Variants in SINHCAF observed in about 807,000 individuals in gnomAD.
The protein encoded by SINHCAF is SIN3-HDAC complex associated factor, also known as SIN3-HDAC complex-associated factor.
In SINHCAF, 3 loss-of-function variants were observed where a neutral mutation model predicts 25.8. The ratio of observed to expected loss-of-function variants is 0.12; its 90% CI spans 0.05 to 0.30. The LOEUF (loss-of-function observed/expected upper bound fraction) is 0.30, where lower values mean the gene tolerates loss of function less well. Ranked by LOEUF, SINHCAF falls within the 10% of genes least tolerant of loss-of-function variation. The probability of loss-of-function intolerance (pLI) is 1.00; values close to 1 mark genes in which losing one functional copy is unlikely to be tolerated. For missense variants in SINHCAF, 121 were observed against 262.3 expected, an observed-to-expected ratio of 0.46 and a Z score of 3.72; for synonymous variants, 70 against 85.5, an observed-to-expected ratio of 0.82 and a Z score of 1.00.
chr12:31,305,613 G>A (rs12300996), intron 1 of SINHCAF, among the ~76,000 whole-genome samples: 6,511 of 151,496 alleles, frequency 0.043, 488 homozygotes, highest in African/African-American at 0.15. Flanking sequence ...TTAGCCAATT[G>A]TGTTATTATT....
At chr12:31,299,326 T>C (rs939644294) in intron 1 of SINHCAF, among the ~76,000 whole-genome samples, 2 of 151,880 alleles carry the variant, frequency 1.3e-5, no homozygotes, top group African/African-American at 2.4e-5. Flanking sequence ...AAAAATTTTT[T>C]TTTTTTTGGA....
At chr12:31,314,387 G>A (rs1209548869) in intron 1 of SINHCAF, among the ~76,000 whole-genome samples, 1 of 152,014 alleles carries the variant, frequency 6.6e-6, no homozygotes, top group Non-Finnish European at 1.5e-5. Context: ...ATAGCCGGGC[G>A]TGGTGGCGGG....
In SINHCAF at chr12:31,282,648, G is replaced by A; in HGVS notation, c.*64C>T. 1 of 1,398,340 alleles carries A rather than the reference G, an allele frequency of 7.2e-7. No individual in the cohort carries two copies. The highest frequency in any genetic ancestry group is 9.7e-7 in the Non-Finnish European group (1 of 1,035,628). 86.6% of individuals were successfully genotyped at this position (1,398,340 alleles called of 1,614,324 possible). The stretch of plus-strand genomic sequence containing the variant: ...AAAAAAAAAAGAGGGTCAGTTTGTA[G>A]CTTTGTGGTTTTTCAAAATTCAGAT... On this transcript the variant is annotated 3_prime_UTR_variant, in exon 6 of 6. Transcript: ENST00000337682.
intron 1 of SINHCAF, among the ~76,000 whole-genome samples, chr12:31,314,440 G>A (rs2137126816): frequency 6.6e-6 from 1 of 152,198 alleles, no homozygotes; most frequent in East Asian, 1.9e-4. Flanking sequence ...GCAGAAGAAT[G>A]GCGCGAACCC....
At chr12:31,310,867 G>A (rs963953240) in intron 1 of SINHCAF, among the ~76,000 whole-genome samples, 2 of 149,970 alleles carry the variant, frequency 1.3e-5, no homozygotes, top group African/African-American at 2.5e-5. Flanking sequence ...TCTAATCTAC[G>A]ATCTTTTTTT....
chr12:31,293,022 T>G (rs1312148923), intron 4 of SINHCAF, among the ~76,000 whole-genome samples: 1 of 152,200 alleles, frequency 6.6e-6, no homozygotes, highest in Non-Finnish European at 1.5e-5. Flanking sequence ...TGGCATGACC[T>G]AAACTATGAC....
intron 4 of SINHCAF, among the ~76,000 whole-genome samples, chr12:31,293,063 A>G (rs1938397971): frequency 6.6e-6 from 1 of 152,254 alleles, no homozygotes; most frequent in Non-Finnish European, 1.5e-5. Flanking sequence ...TAGCCTATGT[A>G]CCATCTATTT....
intron 1 of SINHCAF, chr12:31,323,802 G>C (rs1241818483): frequency 2.6e-6 from 1 of 388,274 alleles, no homozygotes; most frequent in Non-Finnish European, 5.3e-6. Context: ...CCCCACGGTG[G>C]TTTATCGGGC....
At chr12:31,320,309 T>C (rs962009666) in intron 1 of SINHCAF, among the ~76,000 whole-genome samples, 1 of 152,224 alleles carries the variant, frequency 6.6e-6, no homozygotes, top group Non-Finnish European at 1.5e-5. Flanking sequence ...CACCCTCTAC[T>C]CAGGCTGTTA....
intron 1 of SINHCAF, chr12:31,298,663 C>T (rs1347631418): frequency 1.3e-5 from 3 of 230,308 alleles, no homozygotes; most frequent in African/African-American, 2.3e-5. Context: ...GAGCATTTAC[C>T]ATGAATACTA....
At chr12:31,294,260 G>C (rs927768523) in intron 3 of SINHCAF, among the ~76,000 whole-genome samples, 1 of 152,282 alleles carries the variant, frequency 6.6e-6, no homozygotes, top group East Asian at 1.9e-4. Context: ...ACAGGATAAT[G>C]TTTTGCAGTT....
intron 1 of SINHCAF, among the ~76,000 whole-genome samples, chr12:31,318,498 G>A (rs1460856001): frequency 6.6e-6 from 1 of 152,126 alleles, no homozygotes; most frequent in Non-Finnish European, 1.5e-5. Context: ...CTTGGCAGAA[G>A]AGCCTAAAAC....
At chr12:31,316,785 C>T (rs1939511219) in intron 1 of SINHCAF, among the ~76,000 whole-genome samples, 1 of 152,088 alleles carries the variant, frequency 6.6e-6, no homozygotes, top group Non-Finnish European at 1.5e-5. Context: ...ATGAAAAATA[C>T]TGAAATGCAA....
chr12:31,289,040 G>GT (rs1459494052), intron 4 of SINHCAF, among the ~76,000 whole-genome samples: 3 of 152,268 alleles, frequency 2.0e-5, no homozygotes, highest in African/African-American at 7.2e-5. Flanking sequence ...AAAAACCACA[G>GT]TGGATGGGCT....
intron 1 of SINHCAF, among the ~76,000 whole-genome samples, chr12:31,306,802 C>T (rs935306153): frequency 2.7e-4 from 41 of 152,338 alleles, no homozygotes; most frequent in African/African-American, 9.6e-4. Context: ...ATTCCAAAGT[C>T]ATGAGCACCA....
chr12:31,305,292 A>G (rs1003989471), intron 1 of SINHCAF, among the ~76,000 whole-genome samples: 1 of 152,168 alleles, frequency 6.6e-6, no homozygotes, highest in African/African-American at 2.4e-5. Flanking sequence ...CATGACCAGA[A>G]TCTTCATCTC....
At chr12:31,311,912 C>T (rs1202290600) in intron 1 of SINHCAF, 1 of 550,602 alleles carries the variant, frequency 1.8e-6, no homozygotes, top group African/African-American at 1.9e-5. Context: ...ATTTTAATGA[C>T]TAGTATCTTT....
chr12:31,309,998 G>A (rs1321634996), intron 1 of SINHCAF, among the ~76,000 whole-genome samples: 1 of 151,898 alleles, frequency 6.6e-6, no homozygotes, highest in Non-Finnish European at 1.5e-5. Flanking sequence ...GCATTTTTTG[G>A]TTTGCTTTCC....
At chr12:31,316,132 T>G (rs1939487285) in intron 1 of SINHCAF, among the ~76,000 whole-genome samples, 1 of 151,852 alleles carries the variant, frequency 6.6e-6, no homozygotes, top group African/African-American at 2.4e-5. Flanking sequence ...ATTGTGCCAC[T>G]GCACTCCAGC....
Sources: gnomAD v4.1 joint callset for allele counts (sites outside exome capture counted in the v4.1 genomes callset) on GRCh38, gnomAD v4.1.1 for gene constraint, MANE v1.5 for transcripts, NCBI Gene and HGNC (gene_info 2026-07-23, HGNC 2026-07-21) for gene names.